Variants in TRPC5 observed in about 807,000 individuals in gnomAD.
The protein encoded by TRPC5 is transient receptor potential cation channel subfamily C member 5.
TRPC5 carries 9 observed loss-of-function variants against 56.5 expected under a neutral mutation model. The observed-to-expected ratio is 0.16, with a 90% CI of 0.10 to 0.28. TRPC5 has a LOEUF of 0.28. Among genes scored for constraint, TRPC5 ranks in the 10% least tolerant of loss-of-function variants. The probability of loss-of-function intolerance (pLI) is 1.00; values close to 1 mark genes in which losing one functional copy is unlikely to be tolerated. For synonymous variants in TRPC5, 282 were observed against 278.5 expected (o/e 1.01, Z -0.13); for missense variants, 469 against 748.9 (o/e 0.63, Z 4.36).
intron 2 of TRPC5, among the ~76,000 whole-genome samples, chrX:111,913,901 A>G (rs1369848449): frequency 9.5e-6 from 1 of 105,597 alleles, no homozygotes; most frequent in Non-Finnish European, 1.9e-5. Context: ...CAGAGCTGGC[A>G]GTGAGCCGAG....
chrX:111,968,357 A>G (rs1307094894), intron 1 of TRPC5, among the ~76,000 whole-genome samples: 1 of 111,619 alleles, frequency 9.0e-6, no homozygotes, highest in Non-Finnish European at 1.9e-5. Flanking sequence ...AGAAATAGGA[A>G]CACTTTTACA....
chrX:111,989,707 G>C lies in TRPC5; in HGVS notation c.-21-37266C>G, dbSNP rs188981779. Among the ~76,000 whole-genome samples, 372 of 112,111 alleles carry C rather than the reference G, an allele frequency of 3.3e-3. 6 individuals are homozygous for C. The highest frequency in any genetic ancestry group is 0.012 in the African/African-American group (360 of 30,851). ...AAGCAGATTTGTAAATATGAATCAA[G>C]AGAGAATTGGATAAAGAAAATGTGA... On this transcript the variant is annotated intron_variant, in intron 1 of 10. Transcript: ENST00000262839.
At chrX:111,840,652 T>G in intron 6 of TRPC5, among the ~76,000 whole-genome samples, 1 of 111,479 alleles carries the variant, frequency 9.0e-6, no homozygotes, top group Non-Finnish European at 1.9e-5. Context: ...AGGCACAGAG[T>G]GGTCACACAG....
chrX:111,909,026 G>T (rs1292364207), intron 3 of TRPC5, among the ~76,000 whole-genome samples: 2 of 110,493 alleles, frequency 1.8e-5, no homozygotes, highest in Non-Finnish European at 3.8e-5. Context: ...GCTTACGCCT[G>T]TAATCCCAGC....
At chrX:111,963,068 T>A (rs769015868) in intron 1 of TRPC5, among the ~76,000 whole-genome samples, 1 of 112,184 alleles carries the variant, frequency 8.9e-6, no homozygotes, top group Non-Finnish European at 1.9e-5. Flanking sequence ...GGAGTTCCCT[T>A]TCCTAGTCAA....
intron 3 of TRPC5, among the ~76,000 whole-genome samples, chrX:111,888,423 C>T (rs1295658594): frequency 9.4e-6 from 1 of 106,744 alleles, no homozygotes; most frequent in Non-Finnish European, 1.9e-5. Context: ...GCCTGTAATC[C>T]CAGAACTTTG....
intron 5 of TRPC5, among the ~76,000 whole-genome samples, chrX:111,851,767 C>T (rs997899872): frequency 1.8e-5 from 2 of 111,225 alleles, no homozygotes; most frequent in Non-Finnish European, 3.8e-5. Context: ...AGAGACAACT[C>T]AGAGGGTTAG....
At chrX:111,917,068 T>G (rs1238417947) in intron 2 of TRPC5, among the ~76,000 whole-genome samples, 2 of 112,689 alleles carry the variant, frequency 1.8e-5, no homozygotes, top group Non-Finnish European at 3.7e-5. Context: ...GGCCACAGTG[T>G]GGGAAATGGG....
At chrX:111,958,872 G>A (rs1927302970) in intron 1 of TRPC5, among the ~76,000 whole-genome samples, 1 of 112,218 alleles carries the variant, frequency 8.9e-6, no homozygotes, top group South Asian at 3.7e-4. Context: ...TTTCTCTTCA[G>A]AAACCACACA....
chrX:111,968,236 A>G (rs1217880564), intron 1 of TRPC5, among the ~76,000 whole-genome samples: 4 of 111,462 alleles, frequency 3.6e-5, no homozygotes, highest in African/African-American at 1.3e-4. Flanking sequence ...GCTCATCATC[A>G]CTGGCCATCA....
rs944027765 is a variant in TRPC5 at position 111,785,749 on chromosome X, CAA to C, written c.1897-3613_1897-3612del. Among the ~76,000 whole-genome samples the C allele has an allele frequency of 3.3e-4, 37 of 111,835 alleles. 1 individual carries two copies. Among genetic ancestry groups the C allele is most frequent in the Admixed American group, 3.2e-3 (34 of 10,513 alleles). ...CCTGATGGAGCTGAAAACCATGACA[CAA>C]GAACTTCGTGACACATGCACAAGCT... On this transcript the variant is annotated intron_variant, in intron 7 of 10. Coordinates refer to ENST00000262839, the MANE Select transcript of TRPC5 (RefSeq NM_012471.3).
intron 7 of TRPC5, among the ~76,000 whole-genome samples, chrX:111,816,729 C>G (rs1018207157): frequency 9.0e-6 from 1 of 110,914 alleles, no homozygotes; most frequent in Non-Finnish European, 1.9e-5. Flanking sequence ...AAAAAAAGTT[C>G]AAGGTAGTTG....
intron 1 of TRPC5, among the ~76,000 whole-genome samples, chrX:112,076,960 G>A (rs1240955481): frequency 8.9e-6 from 1 of 112,297 alleles, no homozygotes; most frequent in Non-Finnish European, 1.9e-5. Context: ...ATCACATCTA[G>A]TGGTTGGTTT....
chrX:111,884,971 A>G (rs1924406895), intron 3 of TRPC5, among the ~76,000 whole-genome samples: 2 of 111,542 alleles, frequency 1.8e-5, no homozygotes, highest in Non-Finnish European at 3.8e-5. Context: ...CATCCTAGTT[A>G]AGATCTGGCC....
At chrX:111,787,416 G>T (rs139800759) in intron 7 of TRPC5, among the ~76,000 whole-genome samples, 1 of 110,842 alleles carries the variant, frequency 9.0e-6, no homozygotes, top group African/African-American at 3.3e-5. Flanking sequence ...AGTGTGTAGA[G>T]GGAAATTTAT....
At chrX:111,889,884 C>T (rs1924719277) in intron 3 of TRPC5, among the ~76,000 whole-genome samples, 2 of 111,144 alleles carry the variant, frequency 1.8e-5, no homozygotes, top group Admixed American at 1.9e-4. Flanking sequence ...TTCAGCTAGG[C>T]TTTTTGTATC....
intron 1 of TRPC5, among the ~76,000 whole-genome samples, chrX:112,000,831 A>G (rs943464275): frequency 8.9e-6 from 1 of 111,852 alleles, no homozygotes; most frequent in African/African-American, 3.3e-5. Context: ...TTTCTGTGAA[A>G]GAATCCTAGG....
chrX:111,891,284 A>T, intron 3 of TRPC5, among the ~76,000 whole-genome samples: 1 of 111,897 alleles, frequency 8.9e-6, no homozygotes, highest in East Asian at 2.8e-4. Flanking sequence ...TCTTTGAGGA[A>T]TTGCCACACT....
chrX:112,027,531 C>T (rs1602399207), intron 1 of TRPC5, among the ~76,000 whole-genome samples: 1 of 111,266 alleles, frequency 9.0e-6, no homozygotes, highest in South Asian at 3.8e-4. Context: ...GAGTCTCGCT[C>T]TGTCGCCCAG....
Sources: gnomAD v4.1 joint callset for allele counts (sites outside exome capture counted in the v4.1 genomes callset) on GRCh38, gnomAD v4.1.1 for gene constraint, MANE v1.5 for transcripts, NCBI Gene and HGNC (gene_info 2026-07-23, HGNC 2026-07-21) for gene names.